The following CHST8 variants were observed in gnomAD, a reference collection of about 807,000 sequenced individuals.
CHST8 encodes the protein carbohydrate sulfotransferase 8.
A neutral mutation model predicts 15.0 loss-of-function variants in CHST8; 10 were observed. The ratio of observed to expected loss-of-function variants is 0.67; its 90% CI spans 0.41 to 1.13. CHST8 has a LOEUF of 1.13. Among genes scored for constraint, CHST8 ranks in the 50% most tolerant of loss-of-function variants. The pLI is 0.00. For missense variants in CHST8, 634 were observed against 608.2 expected (o/e 1.04, Z -0.45); for synonymous variants, 259 against 256.6 (o/e 1.01, Z -0.09).
rs550397915 is a variant in CHST8, at chr19:33,710,304, T to C, written c.130+20913T>C. On this transcript the variant is annotated intron_variant, in intron 3 of 4. Transcript: ENST00000650847. Reference sequence around the variant, plus strand: ...AACCAACTTTTAGTTTCATTGTTTTTGTCTGTTGTTTTCCTGCTTTGTATT... The same window carrying C: ...AACCAACTTTTAGTTTCATTGTTTTCGTCTGTTGTTTTCCTGCTTTGTATT... Among the ~76,000 whole-genome samples the C allele has an allele frequency of 2.6e-5, 4 of 152,346 alleles. No homozygotes were observed. The East Asian group carries it at 7.7e-4, about 29-fold the overall frequency.
chr19:33,697,382 T>G (rs1200318481), intron 3 of CHST8, among the ~76,000 whole-genome samples: 1 of 151,498 alleles, frequency 6.6e-6, no homozygotes, highest in Non-Finnish European at 1.5e-5. Flanking sequence ...GGCACCCCCC[T>G]CTTCACACCC....
At chr19:33,658,037 T>C (rs1204149798) in intron 1 of CHST8, among the ~76,000 whole-genome samples, 1 of 152,150 alleles carries the variant, frequency 6.6e-6, no homozygotes, top group African/African-American at 2.4e-5. Flanking sequence ...TACAAAAAAG[T>C]ATCATTAATA....
At chr19:33,733,207 C>A (rs2145328487) in intron 3 of CHST8, among the ~76,000 whole-genome samples, 1 of 151,654 alleles carries the variant, frequency 6.6e-6, no homozygotes, top group South Asian at 2.1e-4. Context: ...GTGTCTGGAA[C>A]CAAGAGACAA....
At chr19:33,634,259 C>A (rs1275115668) in intron 1 of CHST8, among the ~76,000 whole-genome samples, 1 of 152,204 alleles carries the variant, frequency 6.6e-6, no homozygotes, top group Non-Finnish European at 1.5e-5. Context: ...CCATTTTAGC[C>A]ATTCTATGAG....
At chr19:33,695,277 G>T (rs1973188763) in intron 3 of CHST8, among the ~76,000 whole-genome samples, 1 of 152,078 alleles carries the variant, frequency 6.6e-6, no homozygotes, top group Non-Finnish European at 1.5e-5. Flanking sequence ...ACGATGTCTA[G>T]TTTGAGACAA....
rs752123545 is a variant in CHST8 at position 33,772,571 on chromosome 19, C to A, written c.783C>A (p.Phe261Leu). ...AGATGCTCTTTGTCCGCGAGCCCTT[C>A]GAGAGGCTGGTGTCCGCCTTCCGCG... ...YTKMLFVREP[F>L]ERLVSAFRDK... The change falls in exon 5 of 5, where the codon TTC becomes TTA. Residue 261 changes from phenylalanine to leucine, a missense_variant. By Grantham distance (22) the Phe-to-Leu change is conservative. Coordinates refer to ENST00000650847, the MANE Select transcript of CHST8 (RefSeq NM_001127895.2). 1 of 1,614,108 alleles carries A rather than the reference C, an allele frequency of 6.2e-7. No homozygotes were observed. Among genetic ancestry groups the A allele is most frequent in the South Asian group, 1.1e-5 (1 of 91,088 alleles).
chr19:33,736,892 C>T (rs940809019), intron 3 of CHST8, among the ~76,000 whole-genome samples: 1 of 152,146 alleles, frequency 6.6e-6, no homozygotes, highest in East Asian at 1.9e-4. Flanking sequence ...GATGAAAAAA[C>T]AGGATGCAGT....
chr19:33,712,382 G>A (rs949420649), intron 3 of CHST8, among the ~76,000 whole-genome samples: 8 of 152,180 alleles, frequency 5.3e-5, no homozygotes, highest in Non-Finnish European at 7.3e-5. Context: ...GTGGACAAGC[G>A]GGGGCTGTGG....
Position 33,772,536 on chromosome 19 carries a change from A to G in CHST8, c.748A>G (p.Thr250Ala), listed in dbSNP as rs773791287. 1 of 1,613,980 alleles carries G rather than the reference A, an allele frequency of 6.2e-7. No homozygotes were observed. ...DRQGILHRLS[T>A]YTKMLFVREP... ...CCAGGGTATCTTGCACCGTCTCAGC[A>G]CCTACACCAAGATGCTCTTTGTCCG... Residue 250 changes from threonine to alanine, a missense_variant, in exon 5 of 5, where the codon ACC becomes GCC. Transcript: ENST00000650847.
chr19:33,748,798 T>A (rs1191734241), intron 3 of CHST8, among the ~76,000 whole-genome samples: 1 of 152,172 alleles, frequency 6.6e-6, no homozygotes, highest in Non-Finnish European at 1.5e-5. Flanking sequence ...GCTCAGATCC[T>A]CAGTGTCTAG....
rs369901075 is a variant in CHST8, at chr19:33,650,644, G to T, written c.-163-17123G>T. ...CCTCCCAGGTTCAAACCATTCTCGT[G>T]CCTCAGCCTCCCAAGTAGCTGGGAT... On this transcript the variant is annotated intron_variant, in intron 1 of 4. Transcript: ENST00000650847. 4.9e-5 allele frequency among the ~76,000 whole-genome samples: 7 copies of T among 144,156 alleles called. 1 individual carries two copies. Among genetic ancestry groups the T allele is most frequent in the African/African-American group, 1.5e-4 (6 of 39,136 alleles). 94.6% of individuals were successfully genotyped at this position (144,156 alleles called of 152,430 possible). A position where few individuals can be genotyped will look rare whatever the true frequency, so the allele number is the denominator to read the frequency against.
intron 1 of CHST8, among the ~76,000 whole-genome samples, chr19:33,631,225 A>G (rs1972117841): frequency 6.6e-6 from 1 of 152,058 alleles, no homozygotes. Flanking sequence ...TCTTTCTGAC[A>G]CCTTCCCTTT....
chr19:33,700,018 G>A (rs1973301025), intron 3 of CHST8, among the ~76,000 whole-genome samples: 1 of 152,182 alleles, frequency 6.6e-6, no homozygotes, highest in Admixed American at 6.5e-5. Context: ...GCTGGGCCAG[G>A]TTGGCTGCAG....
chr19:33,642,294 GC>G (rs57944703), intron 1 of CHST8, among the ~76,000 whole-genome samples: 136 of 150,884 alleles, frequency 9.0e-4, no homozygotes, highest in South Asian at 7.6e-3. Flanking sequence ...GCAGCAGAGG[GC>G]CCCCCCCCAC....
chr19:33,726,575 G>A (rs1240860321), intron 3 of CHST8, among the ~76,000 whole-genome samples: 1 of 152,134 alleles, frequency 6.6e-6, no homozygotes, highest in Non-Finnish European at 1.5e-5. Flanking sequence ...AGCATCAGCT[G>A]GGAGGTGGGG....
At chr19:33,651,416 G>A (rs1484264691) in intron 1 of CHST8, among the ~76,000 whole-genome samples, 16 of 151,890 alleles carry the variant, frequency 1.1e-4, no homozygotes, top group Non-Finnish European at 1.2e-4. Flanking sequence ...AATAATTAAG[G>A]ACTCTTTTAC....
At chr19:33,756,715 C>A (rs773365205) in intron 3 of CHST8, among the ~76,000 whole-genome samples, 1 of 152,232 alleles carries the variant, frequency 6.6e-6, no homozygotes, top group Non-Finnish European at 1.5e-5. Context: ...CCACTCCTCA[C>A]CTCCATCATA....
At chr19:33,755,194 G>A (rs1344518318) in intron 3 of CHST8, among the ~76,000 whole-genome samples, 1 of 151,522 alleles carries the variant, frequency 6.6e-6, no homozygotes, top group Non-Finnish European at 1.5e-5. Context: ...TCTGGCACTG[G>A]AAACCTTCTG....
At chr19:33,645,068 T>C (rs1254732495) in intron 1 of CHST8, among the ~76,000 whole-genome samples, 1 of 152,100 alleles carries the variant, frequency 6.6e-6, no homozygotes, top group Non-Finnish European at 1.5e-5. Context: ...CTACAGTCTA[T>C]AGGACAGCCC....
Sources: gnomAD v4.1 joint callset for allele counts (sites outside exome capture counted in the v4.1 genomes callset) on GRCh38, gnomAD v4.1.1 for gene constraint, MANE v1.5 for transcripts, NCBI Gene and HGNC (gene_info 2026-07-23, HGNC 2026-07-21) for gene names.